Variants in GNAL observed in about 807,000 individuals in gnomAD.
GNAL encodes the protein guanine nucleotide-binding protein G(olf) subunit alpha.
In GNAL, 18 loss-of-function variants were observed where a neutral mutation model predicts 55.1. The ratio of observed to expected loss-of-function variants is 0.33; its 90% CI spans 0.23 to 0.48. The LOEUF (loss-of-function observed/expected upper bound fraction) is 0.48, where lower values mean the gene tolerates loss of function less well. Among genes scored for constraint, GNAL ranks in the 20% least tolerant of loss-of-function variants. The pLI, the probability that GNAL is intolerant of heterozygous loss-of-function variation, is 0.99. For missense variants in GNAL, 412 were observed against 614.1 expected (o/e 0.67, Z 3.48); for synonymous variants, 253 against 237.0 (o/e 1.07, Z -0.62).
intron 1 of GNAL, among the ~76,000 whole-genome samples, chr18:11,715,899 T>C (rs1361902643): frequency 6.6e-6 from 1 of 150,706 alleles, no homozygotes; most frequent in Non-Finnish European, 1.5e-5. Context: ...AAAAAAAAGC[T>C]CAACATCACT....
intron 11 of GNAL, among the ~76,000 whole-genome samples, chr18:11,879,848 C>T (rs938834844): frequency 1.3e-5 from 2 of 152,200 alleles, no homozygotes; most frequent in Non-Finnish European, 2.9e-5. Context: ...AGCAAACGTT[C>T]CCCCGATAAC....
intron 11 of GNAL, among the ~76,000 whole-genome samples, chr18:11,880,360 G>T (rs954053220): frequency 1.5e-4 from 23 of 151,606 alleles, no homozygotes; most frequent in African/African-American, 5.1e-4. Context: ...CTTGAGGTCA[G>T]GAGTTTGAGA....
intron 5 of GNAL, among the ~76,000 whole-genome samples, chr18:11,862,133 G>C (rs891500092): frequency 6.6e-6 from 1 of 151,822 alleles, no homozygotes; most frequent in African/African-American, 2.4e-5. Context: ...CCCACCCCCA[G>C]CGCTGTGGCA....
intron 1 of GNAL, among the ~76,000 whole-genome samples, chr18:11,737,423 C>G (rs1175856476): frequency 1.3e-5 from 2 of 152,152 alleles, no homozygotes; most frequent in Non-Finnish European, 2.9e-5. Flanking sequence ...GTCTGATCAG[C>G]CCCCAAGGTC....
At chr18:11,768,509 G>A (rs2033483283) in intron 4 of GNAL, among the ~76,000 whole-genome samples, 1 of 151,980 alleles carries the variant, frequency 6.6e-6, no homozygotes, top group Admixed American at 6.6e-5. Context: ...GCTGAGGCAG[G>A]AGAATCGCTT....
At chr18:11,827,040 G>A (rs1261237559) in intron 5 of GNAL, among the ~76,000 whole-genome samples, 1 of 152,080 alleles carries the variant, frequency 6.6e-6, no homozygotes, top group African/African-American at 2.4e-5. Flanking sequence ...CAGGTCGTCC[G>A]GGCCAGATGC....
chr18:11,849,134 CATT>C (rs1239933802), intron 5 of GNAL, among the ~76,000 whole-genome samples: 1 of 152,206 alleles, frequency 6.6e-6, no homozygotes, highest in African/African-American at 2.4e-5. Flanking sequence ...TGTTAGTTGT[CATT>C]ATCATCATCA....
intron 5 of GNAL, among the ~76,000 whole-genome samples, chr18:11,861,963 T>TACACACACACACACACACACAC (rs56087854): frequency 1.4e-5 from 2 of 148,060 alleles, no homozygotes; most frequent in Non-Finnish European, 3.0e-5. Flanking sequence ...CACGCAGTCA[T>TACACACACACACACACACACAC]ACACACACAC....
At chr18:11,864,029 C>T (rs562873000) in intron 6 of GNAL, among the ~76,000 whole-genome samples, 1 of 151,536 alleles carries the variant, frequency 6.6e-6, no homozygotes, top group East Asian at 1.9e-4. Context: ...GGGGCCAAAC[C>T]AACACATTAA....
At position 11,752,934 on chromosome 18, in the gene GNAL, G is replaced by A. The variant is rs2032905746; in HGVS notation, c.449+9G>A. Reference sequence around the variant, plus strand: ...AATGGGTTTAATCCCGAGTAAGAATGTTCAGTTTGCTTCCAAACTGCATGC... The same window carrying A: ...AATGGGTTTAATCCCGAGTAAGAATATTCAGTTTGCTTCCAAACTGCATGC... On this transcript the variant is annotated intron_variant, in intron 2 of 11. Transcript: ENST00000334049. This position sits in a 1 kb window ranked among gnomAD's most constrained non-coding sequence, Gnocchi z 4.5. The A allele has an allele frequency of 1.3e-6, 2 of 1,554,688 alleles. No homozygotes were observed. Among genetic ancestry groups the A allele is most frequent in the Non-Finnish European group, 1.8e-6 (2 of 1,127,044 alleles).
At chr18:11,702,853 C>T (rs1453816383) in intron 1 of GNAL, among the ~76,000 whole-genome samples, 1 of 151,598 alleles carries the variant, frequency 6.6e-6, no homozygotes, top group Non-Finnish European at 1.5e-5. Context: ...TGCGATGGCT[C>T]ACTCCTGCAA....
chr18:11,846,155 T>A (rs2035730056), intron 5 of GNAL, among the ~76,000 whole-genome samples: 1 of 152,054 alleles, frequency 6.6e-6, no homozygotes, highest in Admixed American at 6.6e-5. Context: ...CATTTTCAGC[T>A]TCTCAAAGTG....
intron 4 of GNAL, among the ~76,000 whole-genome samples, chr18:11,755,418 C>T (rs61184045): frequency 0.05 from 7,659 of 152,082 alleles, 265 homozygotes; most frequent in African/African-American, 0.1. Context: ...GGACTACAGG[C>T]GCCCGCCACC....
intron 2 of GNAL, among the ~76,000 whole-genome samples, chr18:11,753,311 C>T (rs957213689): frequency 2.0e-5 from 3 of 152,154 alleles, no homozygotes; most frequent in African/African-American, 7.2e-5. Context: ...AATACATTTA[C>T]AGGTGTAACT....
chr18:11,797,974 C>CATTATAACT (rs1230809128), intron 4 of GNAL, among the ~76,000 whole-genome samples: 3 of 152,172 alleles, frequency 2.0e-5, no homozygotes, highest in Admixed American at 6.5e-5. Context: ...CTGTTATGAA[C>CATTATAACT]ATTATAACTT....
At chr18:11,735,346 C>T (rs572719729) in intron 1 of GNAL, among the ~76,000 whole-genome samples, 4 of 152,070 alleles carry the variant, frequency 2.6e-5, no homozygotes, top group Non-Finnish European at 4.4e-5. Flanking sequence ...CCACTGTGCC[C>T]GACCTGATAA....
chr18:11,791,008 C>T (rs148063449), intron 4 of GNAL, among the ~76,000 whole-genome samples: 2 of 142,398 alleles, frequency 1.4e-5, no homozygotes, highest in African/African-American at 5.0e-5. Flanking sequence ...TAAGAAAAAC[C>T]AGAAACTACT....
chr18:11,703,132 CA>C, intron 1 of GNAL, among the ~76,000 whole-genome samples: 1 of 152,174 alleles, frequency 6.6e-6, no homozygotes, highest in Non-Finnish European at 1.5e-5. Flanking sequence ...ACAAAACAAA[CA>C]AACAAAAAAA....
At chr18:11,864,421 T>A in intron 6 of GNAL, 112 bp from the exon 7 acceptor site, 1 of 732,952 alleles carries the variant, frequency 1.4e-6, no homozygotes. Flanking sequence ...TTGTTTCCTT[T>A]ACAGTGGAAC....
Sources: gnomAD v4.1 joint callset for allele counts (sites outside exome capture counted in the v4.1 genomes callset) on GRCh38, gnomAD v4.1.1 for gene constraint, Gnocchi (gnomAD v3.1) non-coding constraint, MANE v1.5 for transcripts, NCBI Gene and HGNC (gene_info 2026-07-23, HGNC 2026-07-21) for gene names.